Variants in PCGF5 observed in about 807,000 individuals in gnomAD.
The protein encoded by PCGF5 is polycomb group RING finger protein 5.
A neutral mutation model predicts 44.3 loss-of-function variants in PCGF5; 9 were observed. The ratio of observed to expected loss-of-function variants is 0.20; its 90% CI spans 0.12 to 0.35. The LOEUF is 0.35. Ranked by LOEUF, PCGF5 falls within the 10% of genes least tolerant of loss-of-function variation. PCGF5 has a pLI of 1.00. For synonymous variants in PCGF5, 95 were observed against 102.5 expected (o/e 0.93, Z 0.44); for missense variants, 146 against 305.3 (o/e 0.48, Z 3.89).
At chr10:91,245,358 G>C (rs1484506399) in intron 3 of PCGF5, among the ~76,000 whole-genome samples, 1 of 152,110 alleles carries the variant, frequency 6.6e-6, no homozygotes, top group South Asian at 2.1e-4. Flanking sequence ...ACTTTCTTTA[G>C]AGCTGTGAGG....
intron 9 of PCGF5, 37 bp from the exon 10 acceptor site, chr10:91,278,232 A>C (rs750067476): frequency 8.6e-6 from 13 of 1,513,290 alleles, no homozygotes; most frequent in Non-Finnish European, 1.2e-5. Flanking sequence ...TTTTTATCCA[A>C]ATACAGTCTT....
intron 3 of PCGF5, among the ~76,000 whole-genome samples, chr10:91,247,024 C>T (rs953362037): frequency 1.3e-5 from 2 of 150,958 alleles, no homozygotes; most frequent in Non-Finnish European, 3.0e-5. Context: ...GATAGATAAT[C>T]TGCCTATATG....
intron 1 of PCGF5, among the ~76,000 whole-genome samples, chr10:91,189,619 A>C (rs757314692): frequency 2.0e-5 from 3 of 152,252 alleles, no homozygotes; most frequent in Non-Finnish European, 4.4e-5. Context: ...ACATATCTAC[A>C]TGAAAATGGA....
intron 9 of PCGF5, among the ~76,000 whole-genome samples, chr10:91,277,756 A>G (rs1475405808): frequency 6.6e-6 from 1 of 152,216 alleles, no homozygotes; most frequent in Non-Finnish European, 1.5e-5. Flanking sequence ...TTTTAAATTT[A>G]AAAAATGTTT....
At chr10:91,265,582 A>G (rs1486156493) in intron 8 of PCGF5, among the ~76,000 whole-genome samples, 1 of 152,198 alleles carries the variant, frequency 6.6e-6, no homozygotes, top group Non-Finnish European at 1.5e-5. Flanking sequence ...ATAAGAAATA[A>G]GAATCCAGAT....
chr10:91,249,189 G>C (rs1189517022), intron 5 of PCGF5, among the ~76,000 whole-genome samples: 3 of 151,760 alleles, frequency 2.0e-5, no homozygotes, highest in Non-Finnish European at 4.4e-5. Context: ...TTTATAAGTA[G>C]AGCTCAGGTG....
chr10:91,232,623 G>A (rs192581694), intron 2 of PCGF5, among the ~76,000 whole-genome samples: 165 of 152,272 alleles, frequency 1.1e-3, no homozygotes, highest in African/African-American at 3.9e-3. Flanking sequence ...ACAGGATCTG[G>A]CATATAGGGC....
chr10:91,253,749 C>T (rs1214161630), intron 6 of PCGF5, among the ~76,000 whole-genome samples: 2 of 151,990 alleles, frequency 1.3e-5, no homozygotes, highest in African/African-American at 2.4e-5. Flanking sequence ...CTTTTGTTAT[C>T]CAGGGCTAGG....
chr10:91,180,352 A>G (rs1843796950), intron 1 of PCGF5, among the ~76,000 whole-genome samples: 1 of 152,186 alleles, frequency 6.6e-6, no homozygotes, highest in Non-Finnish European at 1.5e-5. Context: ...TAGTTTAATT[A>G]GATCCCACTT....
intron 2 of PCGF5, among the ~76,000 whole-genome samples, chr10:91,230,241 A>G (rs1589382040): frequency 6.6e-6 from 1 of 152,330 alleles, no homozygotes; most frequent in East Asian, 1.9e-4. Context: ...AACTGATATC[A>G]GGGTTGGGTT....
intron 1 of PCGF5, among the ~76,000 whole-genome samples, chr10:91,194,546 T>G (rs1426927931): frequency 6.6e-6 from 1 of 152,216 alleles, no homozygotes; most frequent in Non-Finnish European, 1.5e-5. Context: ...ATATCTGACC[T>G]GCAGAGCTAT....
chr10:91,284,267 ATT>A lies in PCGF5; in HGVS notation c.*5952_*5953del, dbSNP rs1564664648. On this transcript the variant is annotated 3_prime_UTR_variant, in exon 10 of 10. Transcript: ENST00000336126. ...TAAAAATTAAATTGCATAATTTATT[ATT>A]GTTTGTCATCTTTAATATTAGTCAC... 6.6e-6 allele frequency: 1 copy of A among 152,434 alleles called. No homozygotes were observed. The highest frequency in any genetic ancestry group is 1.9e-4 in the East Asian group (1 of 5,200). 9.4% of individuals were successfully genotyped at this position (152,434 alleles called of 1,614,324 possible).
chr10:91,275,411 C>T (rs1365560475), intron 9 of PCGF5, among the ~76,000 whole-genome samples: 2 of 150,722 alleles, frequency 1.3e-5, no homozygotes, highest in Non-Finnish European at 3.0e-5. Context: ...ATTCAAATTT[C>T]TTTTAAAAAT....
chr10:91,257,739 T>G (rs938382112), intron 6 of PCGF5, among the ~76,000 whole-genome samples: 1 of 152,116 alleles, frequency 6.6e-6, no homozygotes, highest in South Asian at 2.1e-4. Context: ...CCATTTTGTA[T>G]TTTTGGACAG....
At chr10:91,263,360 G>T (rs1394664891) in intron 7 of PCGF5, among the ~76,000 whole-genome samples, 3 of 152,052 alleles carry the variant, frequency 2.0e-5, no homozygotes, top group Non-Finnish European at 4.4e-5. Flanking sequence ...TTAATAAAAT[G>T]ATGCCTGAAA....
At chr10:91,204,131 T>G (rs1047280798) in intron 1 of PCGF5, among the ~76,000 whole-genome samples, 1 of 152,206 alleles carries the variant, frequency 6.6e-6, no homozygotes, top group Non-Finnish European at 1.5e-5. Flanking sequence ...TTATAAAGAT[T>G]AAACTTTTAG....
rs1846412202 is a variant in PCGF5, at chr10:91,279,946, A to G, written c.*1630A>G. 2 of 152,104 alleles carry G rather than the reference A, an allele frequency of 1.3e-5. No homozygotes were observed. The highest frequency in any genetic ancestry group is 2.9e-5 in the Non-Finnish European group (2 of 67,928). 9.4% of individuals were successfully genotyped at this position (152,104 alleles called of 1,614,324 possible). On this transcript the variant is annotated 3_prime_UTR_variant, in exon 10 of 10. Coordinates refer to ENST00000336126, the MANE Select transcript of PCGF5 (RefSeq NM_032373.5). ...TCACTATGTAAAAGGCTGAAACTTC[A>G]TAATTATCTGTTCCTTCTATCTTTT...
intron 1 of PCGF5, among the ~76,000 whole-genome samples, chr10:91,183,581 G>T (rs1164546781): frequency 6.6e-6 from 1 of 152,068 alleles, no homozygotes; most frequent in Non-Finnish European, 1.5e-5. Context: ...GGTTAGTATT[G>T]ATATGTGAGG....
chr10:91,241,444 A>G (rs183717095), intron 3 of PCGF5, among the ~76,000 whole-genome samples: 168 of 152,266 alleles, frequency 1.1e-3, no homozygotes, highest in African/African-American at 3.9e-3. Flanking sequence ...TAGGAAATCT[A>G]GAGAAGTGAT....
Sources: gnomAD v4.1 joint callset for allele counts (sites outside exome capture counted in the v4.1 genomes callset) on GRCh38, gnomAD v4.1.1 for gene constraint, MANE v1.5 for transcripts, NCBI Gene and HGNC (gene_info 2026-07-23, HGNC 2026-07-21) for gene names.